Variants in RAD54L observed in about 807,000 individuals in gnomAD.
RAD54L encodes DNA repair and recombination protein RAD54-like.
In RAD54L, 74 loss-of-function variants were observed where a neutral mutation model predicts 91.6. That is an observed-to-expected ratio of 0.81 (90% CI 0.67 to 0.98). The LOEUF (loss-of-function observed/expected upper bound fraction) is 0.98. RAD54L is among the 50% of genes least tolerant of loss of function. The pLI is 0.00. For missense variants in RAD54L, 887 were observed against 945.7 expected, an observed-to-expected ratio of 0.94 and a Z score of 0.81; for synonymous variants, 304 against 349.7, an observed-to-expected ratio of 0.87 and a Z score of 1.46.
At chr1:46,273,876 A>G (rs772483436) in intron 14 of RAD54L, 129 bp downstream of exon 14, 264 of 1,340,480 alleles carry the variant, frequency 2.0e-4, no homozygotes, top group Non-Finnish European at 2.5e-4. Context: ...ATCTTCCCTT[A>G]TTGCTATGAT....
chr1:46,277,031 G>A (rs1660627061), intron 16 of RAD54L, among the ~76,000 whole-genome samples: 1 of 152,168 alleles, frequency 6.6e-6, no homozygotes, highest in South Asian at 2.1e-4. Flanking sequence ...TCCTGACTTT[G>A]TGATCTGCCT....
chr1:46,248,596 G>C lies in RAD54L; in HGVS notation c.88G>C (p.Val30Leu), dbSNP rs1659715102. Reference protein sequence around the residue: ...CDDEDWQPGLVTPRKRKSSSE... With the variant: ...CDDEDWQPGLLTPRKRKSSSE... ...TGATGAAGACTGGCAACCTGGCCTA[G>C]TGGTGAGCACTCAAGGGGACAGGGA... Residue 30 changes from valine (V) to leucine (L), a missense_variant and splice_region_variant, in exon 2 of 18, where the codon GTG becomes CTG. Coordinates refer to ENST00000371975, the MANE Select transcript of RAD54L (RefSeq NM_003579.4). The C allele has an allele frequency of 6.2e-7, 1 of 1,614,072 alleles. No individual in the cohort carries two copies. The highest frequency in any genetic ancestry group is 1.1e-5 in the South Asian group (1 of 91,078).
rs1660120868 is a variant in RAD54L at position 46,261,405 on chromosome 1, C to G, written c.891+20C>G. On this transcript the variant is annotated intron_variant, in intron 8 of 17. Coordinates refer to ENST00000371975, the MANE Select transcript of RAD54L (RefSeq NM_003579.4). ...GACGAGGTACTTGACTCTCAGCAGT[C>G]TGGGTGGTAGGAGAAAATCTGTCAA... 1 of 1,613,730 alleles carries G rather than the reference C, an allele frequency of 6.2e-7. No individual in the cohort carries two copies. Among genetic ancestry groups the G allele is most frequent in the Admixed American group, 1.7e-5 (1 of 59,982 alleles).
At position 46,274,597 on chromosome 1, in the gene RAD54L, T is replaced by G; in HGVS notation, c.1749T>G (p.Ile583Met). 1.9e-6 allele frequency: 3 copies of G among 1,613,794 alleles called. No individual in the cohort carries two copies. The highest frequency in any genetic ancestry group is 2.5e-6 in the Non-Finnish European group (3 of 1,180,026). The change falls in exon 16 of 18, where the codon ATT (isoleucine) becomes ATG (methionine). Residue 583 changes from isoleucine to methionine, a missense_variant. Coordinates refer to ENST00000371975, the MANE Select transcript of RAD54L (RefSeq NM_003579.4). ...CTGGGGGCTGTGGCCTCAATCTCAT[T>G]GGGGCTAACCGGCTGGTCATGTTTG... ...SKAGGCGLNLIGANRLVMFDP... is the reference protein window; with the variant it reads ...SKAGGCGLNLMGANRLVMFDP...
intron 3 of RAD54L, among the ~76,000 whole-genome samples, chr1:46,255,035 C>T (rs1659902377): frequency 6.6e-6 from 1 of 152,038 alleles, no homozygotes; most frequent in Non-Finnish European, 1.5e-5. Flanking sequence ...TCAGCTTCGT[C>T]AAGTAAGATA....
intron 9 of RAD54L, 124 bp downstream of exon 9, chr1:46,267,733 AG>A: frequency 7.7e-7 from 1 of 1,304,206 alleles, no homozygotes; most frequent in Non-Finnish European, 1.1e-6. Flanking sequence ...GCATTCTTGT[AG>A]GAAGGCTTCT....
chr1:46,273,010 G>T (rs750311949), intron 12 of RAD54L, among the ~76,000 whole-genome samples: 1 of 152,180 alleles, frequency 6.6e-6, no homozygotes, highest in Non-Finnish European at 1.5e-5. Context: ...CTCATCTTCT[G>T]TCCAGCCCAT....
intron 16 of RAD54L, among the ~76,000 whole-genome samples, chr1:46,276,610 T>A (rs1031166766): frequency 6.6e-6 from 1 of 152,236 alleles, no homozygotes; most frequent in Non-Finnish European, 1.5e-5. Context: ...AATCTAACCT[T>A]GCTCTCCAAG....
Position 46,276,742 on chromosome 1 carries a change from A to G in RAD54L, c.1870-1075A>G, listed in dbSNP as rs28363247. 2.4e-4 allele frequency among the ~76,000 whole-genome samples: 36 copies of G among 152,302 alleles called. 1 individual carries two copies. In the East Asian group the frequency reaches 6.9e-3, roughly 29 times the overall value. On this transcript the variant is annotated intron_variant, in intron 16 of 17. Coordinates refer to ENST00000371975, the MANE Select transcript of RAD54L (RefSeq NM_003579.4). The stretch of plus-strand genomic sequence containing the variant: ...TCCAGAAGGAGCTTTCCAAAAATTC[A>G]GATTTTATTTTTCGTCTCTTCGAAG...
chr1:46,274,819 C>A (rs530253255), intron 16 of RAD54L, 102 bp downstream of exon 16: 5 of 1,409,224 alleles, frequency 3.5e-6, no homozygotes, highest in South Asian at 3.5e-5. Flanking sequence ...CTGCCTCTAG[C>A]AGTAGCCAAG....
At position 46,278,335 on chromosome 1, in the gene RAD54L, C is replaced by T; in HGVS notation, c.*53C>T. 6.5e-7 allele frequency: 1 copy of T among 1,530,036 alleles called. No homozygotes were observed. Among genetic ancestry groups the T allele is most frequent in the Non-Finnish European group, 8.9e-7 (1 of 1,124,430 alleles). 94.8% of individuals were successfully genotyped at this position (1,530,036 alleles called of 1,614,324 possible). On this transcript the variant is annotated 3_prime_UTR_variant, in exon 18 of 18. Transcript: ENST00000371975. ...AGAGGAAGGAGATAGGGAAAAGGGG[C>T]TCCTTGCTCCACAGGGCCCTGTTGA...
At chr1:46,257,093 G>A (rs1659962125) in intron 3 of RAD54L, among the ~76,000 whole-genome samples, 1 of 142,892 alleles carries the variant, frequency 7.0e-6, no homozygotes, top group Non-Finnish European at 1.5e-5. Context: ...GCAGTGAGCT[G>A]AGATTGTGCC....
chr1:46,273,873 C>G, intron 14 of RAD54L, 126 bp downstream of exon 14: 2 of 1,365,768 alleles, frequency 1.5e-6, no homozygotes, highest in African/African-American at 2.9e-5. Flanking sequence ...GATATCTTCC[C>G]TTATTGCTAT....
intron 5 of RAD54L, 36 bp from the exon 6 acceptor site, chr1:46,260,506 T>C: frequency 6.3e-7 from 1 of 1,599,792 alleles, no homozygotes; most frequent in Non-Finnish European, 8.6e-7. Context: ...CTTGCCCATG[T>C]CTGAGCACGC....
chr1:46,273,511 G>C, intron 13 of RAD54L, 46 bp downstream of exon 13: 1 of 1,610,588 alleles, frequency 6.2e-7, no homozygotes, highest in Non-Finnish European at 8.5e-7. Flanking sequence ...GGAGGAGGGT[G>C]GGAGATTTTT....
At chr1:46,258,126 C>T (rs1659993160) in intron 3 of RAD54L, among the ~76,000 whole-genome samples, 2 of 152,184 alleles carry the variant, frequency 1.3e-5, no homozygotes, top group Admixed American at 1.3e-4. Flanking sequence ...GATCCTCCTG[C>T]CTTGGCCTCC....
intron 9 of RAD54L, among the ~76,000 whole-genome samples, chr1:46,270,071 T>A (rs1375193583): frequency 2.0e-5 from 3 of 148,038 alleles, no homozygotes; most frequent in Admixed American, 1.3e-4. Flanking sequence ...AGAACCTGTC[T>A]CAAAAAAAAA....
intron 8 of RAD54L, among the ~76,000 whole-genome samples, chr1:46,262,413 AC>A (rs1660155797): frequency 6.6e-6 from 1 of 152,120 alleles, no homozygotes; most frequent in Admixed American, 6.5e-5. Context: ...TCTCAAAAAA[AC>A]AAAATAAAAA....
intron 10 of RAD54L, 39 bp from the exon 11 acceptor site, chr1:46,272,427 T>C (rs1463693083): frequency 1.3e-6 from 2 of 1,530,818 alleles, no homozygotes; most frequent in East Asian, 4.5e-5. Flanking sequence ...AGCATGGCAA[T>C]TTTACCAGCC....
Sources: allele counts gnomAD v4.1 joint callset (sites outside exome capture counted in the v4.1 genomes callset), GRCh38; gene constraint gnomAD v4.1.1; transcripts MANE v1.5; gene names NCBI Gene and HGNC (gene_info 2026-07-23, HGNC 2026-07-21).